The following MYOC variants were observed in gnomAD, a reference collection of about 807,000 sequenced individuals.
The protein encoded by MYOC is myocilin, also known as juvenile-onset open-angle glaucoma 1.
Under a neutral mutation model 28.2 loss-of-function variants are expected in MYOC, and 29 were observed. That is an observed-to-expected ratio of 1.03 (90% CI 0.77 to 1.40). The LOEUF (loss-of-function observed/expected upper bound fraction) is 1.40, where lower values mean the gene tolerates loss of function less well. Ranked by LOEUF, MYOC falls within the 40% of genes most tolerant of loss-of-function variation. The probability of loss-of-function intolerance (pLI) is 0.00; values close to 1 mark genes in which losing one functional copy is unlikely to be tolerated. For missense variants in MYOC, 569 were observed against 620.6 expected (o/e 0.92, Z 0.88); for synonymous variants, 240 against 245.6 (o/e 0.98, Z 0.21).
At position 171,636,412 on chromosome 1, in the gene MYOC, G is replaced by A. The variant is rs1470777036; in HGVS notation, c.1028C>T (p.Thr343Ile). ...SLYFQGAESR[T>I]VIRYELNTET... ...GGTATTCAGCTCATATCTTATGACA[G>A]TTCTGGACTCAGCGCCCTGGAAATA... The change falls in exon 3 of 3, where the codon ACT (threonine) becomes ATT (isoleucine). Residue 343 changes from threonine (T) to isoleucine (I), a missense_variant. By Grantham distance (89) the Thr-to-Ile change is moderately conservative (BLOSUM62 -1). Transcript: ENST00000037502. 1 of 1,613,998 alleles carries A rather than the reference G, an allele frequency of 6.2e-7. No individual in the cohort carries two copies. Among genetic ancestry groups the A allele is most frequent in the Admixed American group, 1.7e-5 (1 of 59,992 alleles).
At chr1:171,637,992 C>T (rs893490200) in intron 2 of MYOC, among the ~76,000 whole-genome samples, 1 of 152,132 alleles carries the variant, frequency 6.6e-6, no homozygotes, top group East Asian at 1.9e-4. Flanking sequence ...CTTAGAGAAC[C>T]GTGTTTTAAA....
chr1:171,649,939 C>T (rs945779305), intron 1 of MYOC, among the ~76,000 whole-genome samples: 10 of 152,104 alleles, frequency 6.6e-5, no homozygotes, highest in South Asian at 2.1e-4. Context: ...CCAGCGGTAC[C>T]GGATGCTCAT....
chr1:171,635,859 C>A lies in MYOC; in HGVS notation c.*66G>T, dbSNP rs112767265. ...GGCCCTGGCTGGCTGGCTCTCCCTTCAGCCTGCTCCCCCCAGGAGCCCTGA... is the reference window on the plus strand; with the variant it reads ...GGCCCTGGCTGGCTGGCTCTCCCTTAAGCCTGCTCCCCCCAGGAGCCCTGA... On this transcript the variant is annotated 3_prime_UTR_variant, in exon 3 of 3. Transcript: ENST00000037502. 6.3e-7 allele frequency: 1 copy of A among 1,576,522 alleles called. No homozygotes were observed. Among genetic ancestry groups the A allele is most frequent in the South Asian group, 1.1e-5 (1 of 88,370 alleles).
Position 171,639,716 on chromosome 1 carries a change from C to T in MYOC, c.605-994G>A, listed in dbSNP as rs573015681. 5.1e-4 allele frequency among the ~76,000 whole-genome samples: 76 copies of T among 150,144 alleles called. 1 individual carries two copies. The highest frequency in any genetic ancestry group is 1.7e-3 in the African/African-American group (68 of 40,794). On this transcript the variant is annotated intron_variant, in intron 1 of 2. Coordinates refer to ENST00000037502, the MANE Select transcript of MYOC (RefSeq NM_000261.2). ...CTGAAATCCCAGCACTTTGGGAGGC[C>T]GAGGCAGGCGGATCACTTAAGGCCA...
In MYOC at chr1:171,652,366, G is replaced by T; in HGVS notation, c.246C>A (p.Arg82=). The T allele has an allele frequency of 6.2e-7, 1 of 1,612,478 alleles. No individual in the cohort carries two copies. The highest frequency in any genetic ancestry group is 8.5e-7 in the Non-Finnish European group (1 of 1,178,636). The change falls in exon 1 of 3, where the codon CGC becomes CGA. Residue 82 remains arginine, a synonymous_variant. Coordinates refer to ENST00000037502, the MANE Select transcript of MYOC (RefSeq NM_000261.2). ...GAGCTTTGGTGGCCTCCAGGTCTAAGCGTTGGGTGCTGCTGTCTCTCTGTA... is the reference window on the plus strand; with the variant it reads ...GAGCTTTGGTGGCCTCCAGGTCTAATCGTTGGGTGCTGCTGTCTCTCTGTA... The part of the protein sequence containing the change: ...HNLQRDSSTQ[R]LDLEATKARL...
At chr1:171,644,577 CTT>C (rs10545148) in intron 1 of MYOC, among the ~76,000 whole-genome samples, 16,572 of 139,750 alleles carry the variant, frequency 0.12, 783 homozygotes, top group Middle Eastern at 0.28. Context: ...TAAAAAACAG[CTT>C]TTTTTTTTTT....
At chr1:171,651,539 C>T (rs1653352807) in intron 1 of MYOC, among the ~76,000 whole-genome samples, 1 of 152,174 alleles carries the variant, frequency 6.6e-6, no homozygotes, top group Non-Finnish European at 1.5e-5. Context: ...TTTATTTTGC[C>T]AGGGAAGAAC....
At position 171,652,093 on chromosome 1, in the gene MYOC, G is replaced by T; in HGVS notation, c.519C>A (p.Ser173Arg). 1.2e-6 allele frequency: 2 copies of T among 1,614,190 alleles called. No homozygotes were observed. The highest frequency in any genetic ancestry group is 1.7e-6 in the Non-Finnish European group (2 of 1,180,034). The change falls in exon 1 of 3, where the codon AGC (serine) becomes AGA (arginine). Residue 173 changes from serine (S) to arginine (R), a missense_variant. By Grantham distance (110) the Ser-to-Arg change is moderately radical. Transcript: ENST00000037502. ...NENLARRLES[S>R]SQEVARLRRG... ...TTCTCAGCCTTGCTACCTCCTGGCTGCTGCTTTCCAACCTCCTGGCCAGAT... is the reference window on the plus strand; with the variant it reads ...TTCTCAGCCTTGCTACCTCCTGGCTTCTGCTTTCCAACCTCCTGGCCAGAT...
intron 1 of MYOC, among the ~76,000 whole-genome samples, chr1:171,642,991 C>T (rs1219673604): frequency 1.3e-5 from 2 of 151,934 alleles, no homozygotes; most frequent in Non-Finnish European, 2.9e-5. Flanking sequence ...TTCCAGGCTG[C>T]TGCGGAAACC....
intron 1 of MYOC, among the ~76,000 whole-genome samples, chr1:171,646,584 C>T (rs192737791): frequency 6.6e-6 from 1 of 151,030 alleles, no homozygotes; most frequent in South Asian, 2.1e-4. Flanking sequence ...GCAACCTCTG[C>T]CTCCTGGGTT....
chr1:171,652,002 T>A lies in MYOC; in HGVS notation c.604+6A>T, dbSNP rs1232449954. 6.2e-7 allele frequency: 1 copy of A among 1,614,154 alleles called. No individual in the cohort carries two copies. Among genetic ancestry groups the A allele is most frequent in the Admixed American group, 1.7e-5 (1 of 60,018 alleles). ...AACTCAGAGTCCCCCCACTCTGCAT[T>A]CTTACCTTCTCTGGAGCCTGGTGGC... is the stretch of plus-strand genomic sequence containing the variant. On this transcript the variant is annotated splice_donor_region_variant and intron_variant, in intron 1 of 2. Coordinates refer to ENST00000037502, the MANE Select transcript of MYOC (RefSeq NM_000261.2).
At chr1:171,649,415 C>T (rs536503249) in intron 1 of MYOC, among the ~76,000 whole-genome samples, 20 of 152,308 alleles carry the variant, frequency 1.3e-4, no homozygotes, top group South Asian at 1.2e-3. Context: ...TGAAACAGAT[C>T]TTTTGTTCCA....
chr1:171,642,494 C>T (rs1653098212), intron 1 of MYOC, among the ~76,000 whole-genome samples: 1 of 151,774 alleles, frequency 6.6e-6, no homozygotes, highest in Admixed American at 6.6e-5. Context: ...AGTCTGTGGT[C>T]TCAGCTACTC....
intron 1 of MYOC, among the ~76,000 whole-genome samples, chr1:171,644,039 A>G (rs1473036380): frequency 2.7e-5 from 4 of 150,460 alleles, no homozygotes; most frequent in African/African-American, 9.8e-5. Context: ...ACTGCATGCC[A>G]TCTGTACACA....
At chr1:171,649,217 G>A (rs772107644) in intron 1 of MYOC, among the ~76,000 whole-genome samples, 57 of 152,066 alleles carry the variant, frequency 3.7e-4, no homozygotes, top group Non-Finnish European at 7.9e-4. Flanking sequence ...CAAGAAAGTG[G>A]TGGTAACAAT....
intron 1 of MYOC, among the ~76,000 whole-genome samples, chr1:171,651,108 T>C (rs552300560): frequency 1.3e-5 from 2 of 152,142 alleles, no homozygotes; most frequent in Non-Finnish European, 2.9e-5. Context: ...ACACATTTCT[T>C]TAGTCTCTTT....
Position 171,638,639 on chromosome 1 carries a change from C to T in MYOC, c.688G>A (p.Glu230Lys). 6.2e-7 allele frequency: 1 copy of T among 1,614,196 alleles called. No individual in the cohort carries two copies. Among genetic ancestry groups the T allele is most frequent in the Non-Finnish European group, 8.5e-7 (1 of 1,180,022 alleles). ...CTCCTGAGATAGCCAGATGGGCTCT[C>T]CTTCAAAATTCGGGAAGCAGGAACT... ...TEVPASRILK[E>K]SPSGYLRSGE... The change falls in exon 2 of 3, where the codon GAG (glutamate) becomes AAG (lysine). Residue 230 changes from glutamate to lysine, a missense_variant. By Grantham distance (56) the Glu-to-Lys change is moderately conservative. Transcript: ENST00000037502.
rs1372483623 is a variant in MYOC at position 171,647,839 on chromosome 1, C to A, written c.604+4169G>T. 2.6e-5 allele frequency among the ~76,000 whole-genome samples: 4 copies of A among 152,248 alleles called. No homozygotes were observed. The East Asian group carries it at 7.7e-4, about 29-fold the overall frequency. On this transcript the variant is annotated intron_variant, in intron 1 of 2. Coordinates refer to ENST00000037502, the MANE Select transcript of MYOC (RefSeq NM_000261.2). The stretch of plus-strand genomic sequence containing the variant: ...TTGCAGTTATCACCTGCGGGGACCT[C>A]GCCTCAGCCACCGTGGCCCAGCTTC...
chr1:171,649,550 C>G (rs1653305529), intron 1 of MYOC, among the ~76,000 whole-genome samples: 1 of 152,178 alleles, frequency 6.6e-6, no homozygotes, highest in African/African-American at 2.4e-5. Context: ...AATCCCAGTG[C>G]TTTGGAAGGC....
Sources: allele counts gnomAD v4.1 joint callset (sites outside exome capture counted in the v4.1 genomes callset), GRCh38; gene constraint gnomAD v4.1.1; transcripts MANE v1.5; gene names NCBI Gene and HGNC (gene_info 2026-07-23, HGNC 2026-07-21).